The following TDRP variants were observed in gnomAD, a reference collection of about 807,000 sequenced individuals.
TDRP encodes the protein testis development-related protein.
In TDRP, 12 loss-of-function variants were observed where a neutral mutation model predicts 10.5. The observed-to-expected ratio is 1.15, with a 90% CI of 0.73 to 1.86. The LOEUF is 1.86. TDRP is among the 40% of genes most tolerant of loss of function. The pLI is 0.00. For missense variants in TDRP, 353 were observed against 229.2 expected (o/e 1.54, Z -3.49); for synonymous variants, 139 against 95.4 (o/e 1.46, Z -2.67).
At chr8:495,303 G>T (rs796444573) in intron 1 of TDRP, among the ~76,000 whole-genome samples, 48 of 152,230 alleles carry the variant, frequency 3.2e-4, no homozygotes, top group African/African-American at 1.1e-3. Context: ...GTTACAAGAG[G>T]TCCCCTAGAA....
chr8:521,557 G>A (rs867968359), intron 1 of TDRP, among the ~76,000 whole-genome samples: 8 of 152,182 alleles, frequency 5.3e-5, no homozygotes, highest in Non-Finnish European at 8.8e-5. Flanking sequence ...ATACATGAGG[G>A]CTTATTTCTC....
rs1262456612 is a variant in TDRP, at chr8:492,623, G to C, written c.334C>G (p.Pro112Ala). Reference protein sequence around the residue: ...KPDEIEGWEPPKLALEDISAD... With the variant: ...KPDEIEGWEPAKLALEDISAD... The stretch of plus-strand genomic sequence containing the variant: ...GATATGTCTTCAAGAGCAAGTTTTG[G>C]AGGCTCCCAACCTTCAATTTCATCT... Residue 112 changes from proline (P) to alanine (A), a missense_variant, in exon 3 of 3, where the codon CCA becomes GCA. Transcript: ENST00000324079. 3 of 1,613,912 alleles carry C rather than the reference G, an allele frequency of 1.9e-6. No homozygotes were observed. The highest frequency in any genetic ancestry group is 1.7e-5 in the Admixed American group (1 of 60,002).
chr8:545,381 G>C (rs1444269831), upstream of TDRP, among the ~76,000 whole-genome samples: 1 of 14,396 alleles, frequency 6.9e-5, no homozygotes, highest in East Asian at 1.8e-3. Flanking sequence ...CCCGGCCCCC[G>C]CAAATTCCCC....
intron 1 of TDRP, among the ~76,000 whole-genome samples, chr8:528,484 C>T (rs1327901741): frequency 7.4e-6 from 1 of 134,622 alleles, no homozygotes; most frequent in Non-Finnish European, 1.7e-5. Flanking sequence ...GCACTGTTCA[C>T]AACAGCCAAG....
At chr8:525,471 A>T (rs1161626326) in intron 1 of TDRP, among the ~76,000 whole-genome samples, 4 of 152,210 alleles carry the variant, frequency 2.6e-5, no homozygotes, top group African/African-American at 9.6e-5. Context: ...TTATACTTTA[A>T]ATGACAAACC....
At position 491,508 on chromosome 8, in the gene TDRP, C is replaced by G. The variant is rs1477648478; in HGVS notation, c.*891G>C. 4.5e-6 allele frequency: 5 copies of G among 1,113,752 alleles called. No homozygotes were observed. In the African/African-American group the frequency reaches 6.5e-5, roughly 14 times the overall value. 69.0% of individuals were successfully genotyped at this position (1,113,752 alleles called of 1,614,324 possible). A position where few individuals can be genotyped will look rare whatever the true frequency, so the allele number is the denominator to read the frequency against. On this transcript the variant is annotated 3_prime_UTR_variant, in exon 3 of 3. Transcript: ENST00000324079. ...AACACAGCTTCTTACAGATCTAACACCAATCACAATAGGCATCTCGCTTTG... is the reference window on the plus strand; with the variant it reads ...AACACAGCTTCTTACAGATCTAACAGCAATCACAATAGGCATCTCGCTTTG...
Position 492,011 on chromosome 8 carries a change from T to C in TDRP, c.*388A>G. ...AAGAACTGCATGACAGCTGCATTTA[T>C]ACGTGCTACATACAAGAAAAAGGTA... On this transcript the variant is annotated 3_prime_UTR_variant, in exon 3 of 3. Coordinates refer to ENST00000324079, the MANE Select transcript of TDRP (RefSeq NM_001384899.1). 9.0e-7 allele frequency: 1 copy of C among 1,115,370 alleles called. No homozygotes were observed. The allele number at this position is 1,115,370 out of a possible 1,614,324, so 69.1% of individuals were successfully genotyped here.
At chr8:508,702 C>T (rs1801532550) in intron 1 of TDRP, among the ~76,000 whole-genome samples, 2 of 152,162 alleles carry the variant, frequency 1.3e-5, no homozygotes. Context: ...ATCATTCCAC[C>T]CCTGGCCCCT....
rs1386187018 is a variant in TDRP at position 544,760 on chromosome 8, T to C, written c.-3A>G. ...CGGCCCCGGCCCAGCTTCCACATGGTCAGGCGGGCTCCGGCGTCCCTCCGT... is the reference window on the plus strand; with the variant it reads ...CGGCCCCGGCCCAGCTTCCACATGGCCAGGCGGGCTCCGGCGTCCCTCCGT... On this transcript the variant is annotated 5_prime_UTR_variant, in exon 1 of 3. Coordinates refer to ENST00000324079, the MANE Select transcript of TDRP (RefSeq NM_001384899.1). 3 of 1,235,068 alleles carry C rather than the reference T, an allele frequency of 2.4e-6. No individual in the cohort carries two copies. The highest frequency in any genetic ancestry group is 4.1e-5 in the Admixed American group (1 of 24,146). 76.5% of individuals were successfully genotyped at this position (1,235,068 alleles called of 1,614,324 possible).
intron 1 of TDRP, among the ~76,000 whole-genome samples, chr8:510,796 A>T (rs1801595840): frequency 6.6e-6 from 1 of 152,204 alleles, no homozygotes; most frequent in Admixed American, 6.5e-5. Context: ...TGAGAAAACA[A>T]AGTGCACCGG....
chr8:530,436 G>A (rs1029539701), intron 1 of TDRP, among the ~76,000 whole-genome samples: 4 of 151,864 alleles, frequency 2.6e-5, no homozygotes, highest in Admixed American at 2.6e-4. Context: ...TTTTTTTGCT[G>A]GGATTTGGGG....
chr8:512,845 G>A (rs1167027543), intron 1 of TDRP, among the ~76,000 whole-genome samples: 1 of 151,908 alleles, frequency 6.6e-6, no homozygotes, highest in Admixed American at 6.5e-5. Flanking sequence ...GGTGGCATGT[G>A]CCTGTAATCC....
At chr8:522,585 T>A (rs141976900) in intron 1 of TDRP, among the ~76,000 whole-genome samples, 1,940 of 152,334 alleles carry the variant, frequency 0.013, 45 homozygotes, top group African/African-American at 0.044. Flanking sequence ...TCTTTGTTTC[T>A]CGCTTCTGTA....
At chr8:539,689 C>T (rs1469661247) in intron 1 of TDRP, among the ~76,000 whole-genome samples, 6 of 152,184 alleles carry the variant, frequency 3.9e-5, no homozygotes, top group Non-Finnish European at 8.8e-5. Context: ...AGGCCTCTGC[C>T]TCCCCACATA....
In TDRP at chr8:528,466, A is replaced by G. The variant is rs1036033408; in HGVS notation, c.108+16184T>C. Among the ~76,000 whole-genome samples the G allele has an allele frequency of 1.1e-4, 15 of 132,318 alleles. 4 individuals are homozygous for G. In the Admixed American group the frequency reaches 1.1e-3, roughly 10 times the overall value. 86.8% of individuals were successfully genotyped at this position (132,318 alleles called of 152,430 possible). On this transcript the variant is annotated intron_variant, in intron 1 of 2. Transcript: ENST00000324079. ...AAAGAGATATCTGTGCTTCCAATAT[A>G]TATTGCAGCACTGTTCACAACAGCC...
intron 1 of TDRP, among the ~76,000 whole-genome samples, chr8:536,330 C>T (rs140572152): frequency 1.6e-3 from 249 of 152,326 alleles, no homozygotes; most frequent in Non-Finnish European, 2.7e-3. Context: ...TAGAGCTGTG[C>T]TTTCCAAATC....
At chr8:520,967 T>C (rs1323072236) in intron 1 of TDRP, among the ~76,000 whole-genome samples, 1 of 152,182 alleles carries the variant, frequency 6.6e-6, no homozygotes, top group African/African-American at 2.4e-5. Flanking sequence ...TTTTTGCTTT[T>C]TCCTGTGTTT....
chr8:539,194 T>G (rs1018377802), intron 1 of TDRP, among the ~76,000 whole-genome samples: 1 of 152,082 alleles, frequency 6.6e-6, no homozygotes, highest in African/African-American at 2.4e-5. Flanking sequence ...CAGGTGGGTA[T>G]GTAAGAGGTG....
intron 1 of TDRP, among the ~76,000 whole-genome samples, chr8:496,729 C>A (rs1801146960): frequency 6.6e-6 from 1 of 152,176 alleles, no homozygotes; most frequent in South Asian, 2.1e-4. Flanking sequence ...GGCTCTGTGT[C>A]CCCACACAAG....
Sources: gnomAD v4.1 joint callset for allele counts (sites outside exome capture counted in the v4.1 genomes callset) on GRCh38, gnomAD v4.1.1 for gene constraint, MANE v1.5 for transcripts, NCBI Gene and HGNC (gene_info 2026-07-23, HGNC 2026-07-21) for gene names.